Variants in CATSPERD observed in about 807,000 individuals in gnomAD.
The protein encoded by CATSPERD is catsper channel auxiliary subunit delta.
CATSPERD carries 86 observed loss-of-function variants against 98.1 expected under a neutral mutation model. The observed-to-expected ratio is 0.88, with a 90% CI of 0.74 to 1.05. CATSPERD has a LOEUF of 1.05. CATSPERD is among the 50% of genes least tolerant of loss of function. The pLI, the probability that CATSPERD is intolerant of heterozygous loss-of-function variation, is 0.00. For missense variants in CATSPERD, 995 were observed against 1,005.7 expected, an observed-to-expected ratio of 0.99 and a Z score of 0.14; for synonymous variants, 394 against 390.2, an observed-to-expected ratio of 1.01 and a Z score of -0.12.
intron 20 of CATSPERD, 40 bp downstream of exon 20, chr19:5,773,005 C>A: frequency 6.3e-7 from 1 of 1,596,862 alleles, no homozygotes; most frequent in Non-Finnish European, 8.6e-7. Flanking sequence ...GAATCAGCAG[C>A]CCACCAGGGG....
rs375534780 is a variant in CATSPERD, at chr19:5,733,942, T to A, written c.363T>A (p.Tyr121Ter). Residue 121 changes from tyrosine (Y) to a stop codon, truncating the protein, a stop_gained, in exon 5 of 22, where the codon TAT becomes TAA. Transcript: ENST00000381624. LOFTEE classifies it high-confidence loss of function. ...ATCAAAAAGTCTATATTTATGATTA[T>A]GAAAATAATTCTTGGAGCATGTCTT... is the stretch of plus-strand genomic sequence containing the variant. ...VVDQKVYIYD[Y>*]ENNSWSMSLG... 6 of 1,606,342 alleles carry A rather than the reference T, an allele frequency of 3.7e-6. No individual in the cohort carries two copies. The highest frequency in any genetic ancestry group is 5.1e-6 in the Non-Finnish European group (6 of 1,176,100).
intron 6 of CATSPERD, 25 bp downstream of exon 6, chr19:5,737,230 A>T (rs749455146): frequency 2.0e-6 from 3 of 1,487,434 alleles, no homozygotes; most frequent in East Asian, 2.3e-5. Flanking sequence ...ATAATTGTTC[A>T]TTTTTTTTTG....
intron 18 of CATSPERD, among the ~76,000 whole-genome samples, chr19:5,770,703 C>A (rs1404778545): frequency 6.6e-6 from 1 of 152,040 alleles, no homozygotes; most frequent in East Asian, 1.9e-4. Flanking sequence ...ATTGCTTGGG[C>A]CCAGGAGGTG....
At chr19:5,761,087 A>C (rs1469769497) in intron 15 of CATSPERD, among the ~76,000 whole-genome samples, 4 of 150,494 alleles carry the variant, frequency 2.7e-5, no homozygotes, top group Non-Finnish European at 1.5e-5. Context: ...CCCAGGCTGG[A>C]GTGCAATGGC....
chr19:5,749,210 G>T, intron 11 of CATSPERD, 27 bp downstream of exon 11: 1 of 1,554,830 alleles, frequency 6.4e-7, no homozygotes, highest in Non-Finnish European at 8.8e-7. Flanking sequence ...TGGGGTTATG[G>T]GCTGGGCACG....
At position 5,768,157 on chromosome 19, in the gene CATSPERD, T is replaced by C; in HGVS notation, c.1560-11T>C. The C allele has an allele frequency of 6.2e-7, 1 of 1,612,018 alleles. No homozygotes were observed. The highest frequency in any genetic ancestry group is 8.5e-7 in the Non-Finnish European group (1 of 1,178,648). ...GTCATGCCATTGCTCAATGTCCACT[T>C]TTGCTTGCAGCAAAGTTTCCGCCTG... On this transcript the variant is annotated splice_polypyrimidine_tract_variant and intron_variant, in intron 17 of 21. Transcript: ENST00000381624.
intron 15 of CATSPERD, among the ~76,000 whole-genome samples, chr19:5,759,989 G>C (rs1395208240): frequency 1.4e-5 from 2 of 142,840 alleles, no homozygotes; most frequent in Non-Finnish European, 3.0e-5. Context: ...TGGCAGAATT[G>C]CTTGAACCCA....
rs193271585 is a variant in CATSPERD, at chr19:5,762,127, G to A, written c.1428-1088G>A. Among the ~76,000 whole-genome samples, 7 of 137,792 alleles carry A rather than the reference G, an allele frequency of 5.1e-5. No individual in the cohort carries two copies. In the East Asian group the frequency reaches 1.5e-3, roughly 30 times the overall value. 90.4% of individuals were successfully genotyped at this position (137,792 alleles called of 152,430 possible). A position where few individuals can be genotyped will look rare whatever the true frequency, so the allele number is the denominator to read the frequency against. On this transcript the variant is annotated intron_variant, in intron 15 of 21. Coordinates refer to ENST00000381624, the MANE Select transcript of CATSPERD (RefSeq NM_152784.4). ...CGCCCAGGCTGGAGTGCAGTGGTGT[G>A]ATCACTGGTCACTGCAACCTCCACT...
chr19:5,741,274 C>T (rs2055958729), intron 7 of CATSPERD, among the ~76,000 whole-genome samples: 1 of 152,072 alleles, frequency 6.6e-6, no homozygotes, highest in Non-Finnish European at 1.5e-5. Flanking sequence ...GAACTTCAGA[C>T]TCTAACTGTC....
chr19:5,750,922 A>G (rs539140322), intron 11 of CATSPERD, among the ~76,000 whole-genome samples: 1 of 148,758 alleles, frequency 6.7e-6, no homozygotes, highest in South Asian at 2.1e-4. Context: ...CCTTCTTTCA[A>G]TCTGCATCAT....
chr19:5,751,320 C>T (rs2056213260), intron 11 of CATSPERD, among the ~76,000 whole-genome samples: 1 of 148,778 alleles, frequency 6.7e-6, no homozygotes, highest in South Asian at 2.1e-4. Context: ...GTCAGGAGAT[C>T]GACACCATCC....
chr19:5,721,648 C>T (rs992734568), intron 1 of CATSPERD, among the ~76,000 whole-genome samples: 6 of 152,024 alleles, frequency 3.9e-5, no homozygotes, highest in African/African-American at 9.7e-5. Context: ...ATAATGATTC[C>T]TTAACCTTAT....
intron 8 of CATSPERD, among the ~76,000 whole-genome samples, 166 bp from the exon 9 acceptor site, chr19:5,745,747 A>G (rs1435274155): frequency 1.3e-5 from 2 of 152,122 alleles, no homozygotes; most frequent in Non-Finnish European, 2.9e-5. Flanking sequence ...GCAAAACAAT[A>G]AAGTTGTATT....
intron 18 of CATSPERD, among the ~76,000 whole-genome samples, chr19:5,768,490 C>T (rs978995969): frequency 2.6e-5 from 4 of 151,960 alleles, no homozygotes; most frequent in Admixed American, 2.6e-4. Context: ...GTTCCCGCCA[C>T]CAGGCACGGC....
At position 5,763,306 on chromosome 19, in the gene CATSPERD, T is replaced by G. The variant is rs373644074; in HGVS notation, c.1506+13T>G. 2.5e-6 allele frequency: 4 copies of G among 1,606,850 alleles called. No homozygotes were observed. The African/African-American group carries it at 5.3e-5, about 21-fold the overall frequency. On this transcript the variant is annotated intron_variant, in intron 16 of 21. Transcript: ENST00000381624. The stretch of plus-strand genomic sequence containing the variant: ...TATCAAGCCACTGGTAGGTCCCAAA[T>G]CTTTGCTGTCCCATATTCGGTGTCA...
At chr19:5,760,727 G>A (rs1399193500) in intron 15 of CATSPERD, among the ~76,000 whole-genome samples, 2 of 152,042 alleles carry the variant, frequency 1.3e-5, no homozygotes, top group East Asian at 3.9e-4. Flanking sequence ...CACTTAAAAT[G>A]GTTAAGATGG....
Position 5,763,253 on chromosome 19 carries a change from T to G in CATSPERD, c.1466T>G (p.Ile489Arg), listed in dbSNP as rs775543468. Residue 489 changes from isoleucine (I) to arginine (R), a missense_variant, in exon 16 of 22, where the codon ATA (isoleucine) becomes AGA (arginine). Physicochemically the swap from Ile to Arg is moderately conservative, Grantham distance 97. Coordinates refer to ENST00000381624, the MANE Select transcript of CATSPERD (RefSeq NM_152784.4). ...KATMSTLTVD[I>R]ANKEISCVDI... Reference sequence around the variant, plus strand: ...ACCATGTCTACCTTAACTGTGGACATAGCAAACAAGGAAATTTCATGTGTG... The same window carrying G: ...ACCATGTCTACCTTAACTGTGGACAGAGCAAACAAGGAAATTTCATGTGTG... 1.2e-6 allele frequency: 2 copies of G among 1,614,130 alleles called. No individual in the cohort carries two copies. Among genetic ancestry groups the G allele is most frequent in the East Asian group, 2.2e-5 (1 of 44,876 alleles).
chr19:5,754,847 C>CT (rs34200755), intron 13 of CATSPERD, among the ~76,000 whole-genome samples: 40,321 of 137,778 alleles, frequency 0.29, 6,814 homozygotes, highest in Admixed American at 0.39. Context: ...TCTTCTTCTT[C>CT]TTTTTTTTTT....
chr19:5,734,530 C>T (rs1202696465), intron 5 of CATSPERD, among the ~76,000 whole-genome samples: 7 of 151,880 alleles, frequency 4.6e-5, no homozygotes, highest in African/African-American at 1.7e-4. Context: ...CCCAGCTACT[C>T]GGGAGGCTGA....
Sources: gnomAD v4.1 joint callset for allele counts (sites outside exome capture counted in the v4.1 genomes callset) on GRCh38, gnomAD v4.1.1 for gene constraint, MANE v1.5 for transcripts, NCBI Gene and HGNC (gene_info 2026-07-23, HGNC 2026-07-21) for gene names.